The following HLCS variants were observed in gnomAD, a reference collection of about 807,000 sequenced individuals.
HLCS encodes biotin--protein ligase.
HLCS carries 53 observed loss-of-function variants against 75.0 expected under a neutral mutation model. That is an observed-to-expected ratio of 0.71 (90% CI 0.57 to 0.89). The LOEUF is 0.89. Among genes scored for constraint, HLCS ranks in the 40% least tolerant of loss-of-function variants. The pLI, the probability that HLCS is intolerant of heterozygous loss-of-function variation, is 0.00. For missense variants in HLCS, 966 were observed against 1,074.0 expected (o/e 0.90, Z 1.41); for synonymous variants, 431 against 428.6 (o/e 1.01, Z -0.07).
intron 6 of HLCS, among the ~76,000 whole-genome samples, chr21:36,802,470 C>A (rs752635037): frequency 1.3e-5 from 2 of 152,200 alleles, no homozygotes; most frequent in South Asian, 2.1e-4. Context: ...GATGTTTACA[C>A]GGCACTTTTC....
At chr21:36,870,192 CACCAGTG>C (rs1481125151) in intron 6 of HLCS, among the ~76,000 whole-genome samples, 4 of 152,102 alleles carry the variant, frequency 2.6e-5, no homozygotes, top group Non-Finnish European at 5.9e-5. Context: ...AGCCTCTGGC[CACCAGTG>C]ACCTGGACAC....
intron 6 of HLCS, among the ~76,000 whole-genome samples, chr21:36,791,233 T>G (rs80247793): frequency 6.6e-6 from 1 of 151,958 alleles, no homozygotes; most frequent in African/African-American, 2.4e-5. Flanking sequence ...AAACCCCACA[T>G]AGGATGTCCG....
intron 6 of HLCS, among the ~76,000 whole-genome samples, chr21:36,789,099 G>A (rs921733526): frequency 7.9e-5 from 12 of 152,148 alleles, no homozygotes; most frequent in African/African-American, 2.9e-4. Context: ...CTGTTGCCCA[G>A]GCTAAAGTGC....
At chr21:36,916,141 TA>T (rs894397244) in intron 5 of HLCS, among the ~76,000 whole-genome samples, 1 of 151,774 alleles carries the variant, frequency 6.6e-6, no homozygotes. Flanking sequence ...ACAAACCACC[TA>T]AAAAAAATCT....
chr21:36,822,004 T>C (rs1024901032), intron 6 of HLCS, among the ~76,000 whole-genome samples: 2 of 152,234 alleles, frequency 1.3e-5, no homozygotes, highest in South Asian at 2.1e-4. Flanking sequence ...CTGATGGGAA[T>C]AGGAGAGCTG....
chr21:36,758,263 C>A (rs565815243), intron 9 of HLCS, among the ~76,000 whole-genome samples: 1 of 151,952 alleles, frequency 6.6e-6, no homozygotes, highest in Admixed American at 6.6e-5. Flanking sequence ...GGCACCACCA[C>A]GCCCAGCTAA....
At chr21:36,813,767 T>A (rs2061579793) in intron 6 of HLCS, among the ~76,000 whole-genome samples, 1 of 152,340 alleles carries the variant, frequency 6.6e-6, no homozygotes, top group East Asian at 1.9e-4. Context: ...CATCTGGAAG[T>A]ACCTAACAAT....
chr21:36,978,823 G>T (rs550306999), intron 1 of HLCS, among the ~76,000 whole-genome samples: 53 of 152,190 alleles, frequency 3.5e-4, no homozygotes, highest in Non-Finnish European at 6.8e-4. Flanking sequence ...AGACACTGCG[G>T]CAAAACCAGC....
intron 6 of HLCS, among the ~76,000 whole-genome samples, chr21:36,891,757 A>T (rs1569154390): frequency 6.6e-6 from 1 of 152,196 alleles, no homozygotes; most frequent in Non-Finnish European, 1.5e-5. Flanking sequence ...TAGTCTCAAG[A>T]AAGTGGGAAA....
chr21:36,930,315 C>T lies in HLCS; in HGVS notation c.1556G>A (p.Gly519Asp). The T allele has an allele frequency of 6.2e-7, 1 of 1,614,038 alleles. No individual in the cohort carries two copies. Among genetic ancestry groups the T allele is most frequent in the South Asian group, 1.1e-5 (1 of 91,076 alleles). ...EVLREILTTL[G>D]LSCDMKQVPA... ...AACTTGTTTCATGTCACAGCTGAGG[C>T]CAAGGGTTGTCAGAATCTCTCTAAG... The change falls in exon 5 of 11, where the codon GGC becomes GAC. Residue 519 changes from glycine to aspartate, a missense_variant. Transcript: ENST00000674895.
chr21:36,947,902 C>T (rs2067480179), intron 2 of HLCS: 1 of 985,278 alleles, frequency 1.0e-6, no homozygotes, highest in Non-Finnish European at 1.2e-6. Context: ...ACTCTTGTTT[C>T]TCCTCTTCCA....
intron 6 of HLCS, among the ~76,000 whole-genome samples, chr21:36,880,708 C>T (rs2064171406): frequency 6.6e-6 from 1 of 152,158 alleles, no homozygotes; most frequent in Admixed American, 6.5e-5. Context: ...TCCGATTCCA[C>T]GGCAGGTTCT....
At chr21:36,791,118 T>C (rs2145877985) in intron 6 of HLCS, among the ~76,000 whole-genome samples, 1 of 152,290 alleles carries the variant, frequency 6.6e-6, no homozygotes, top group South Asian at 2.1e-4. Context: ...ACATATAGGC[T>C]TGTCCAAAAT....
At chr21:36,848,881 G>C (rs1422441627) in intron 6 of HLCS, among the ~76,000 whole-genome samples, 1 of 152,204 alleles carries the variant, frequency 6.6e-6, no homozygotes, top group Non-Finnish European at 1.5e-5. Context: ...AATCCCAAAG[G>C]ATGGGGAAAG....
chr21:36,816,801 A>C (rs1392243596), intron 6 of HLCS, among the ~76,000 whole-genome samples: 2 of 152,216 alleles, frequency 1.3e-5, no homozygotes, highest in Non-Finnish European at 2.9e-5. Flanking sequence ...CCACGAATCT[A>C]GTAAGTCCTC....
intron 6 of HLCS, among the ~76,000 whole-genome samples, chr21:36,872,110 A>G (rs2063789419): frequency 6.6e-6 from 1 of 152,122 alleles, no homozygotes; most frequent in South Asian, 2.1e-4. Context: ...TTCAATGTAA[A>G]TTGCAGATAT....
chr21:36,828,921 T>G (rs958175483), intron 6 of HLCS, among the ~76,000 whole-genome samples: 1 of 152,234 alleles, frequency 6.6e-6, no homozygotes, highest in African/African-American at 2.4e-5. Context: ...GCACAATGAT[T>G]AGACTATGCT....
chr21:36,850,235 C>A (rs1355374263), intron 6 of HLCS, among the ~76,000 whole-genome samples: 1 of 152,160 alleles, frequency 6.6e-6, no homozygotes, highest in African/African-American at 2.4e-5. Context: ...ACATTATTGC[C>A]AACACTTTAA....
chr21:36,765,925 GCATGAGCCAC>G (rs1484815041), intron 7 of HLCS, among the ~76,000 whole-genome samples: 1 of 152,202 alleles, frequency 6.6e-6, no homozygotes, highest in Non-Finnish European at 1.5e-5. Flanking sequence ...GGGATTACAG[GCATGAGCCAC>G]CACGCCCAGC....
Sources: allele counts gnomAD v4.1 joint callset (sites outside exome capture counted in the v4.1 genomes callset), GRCh38; gene constraint gnomAD v4.1.1; transcripts MANE v1.5; gene names NCBI Gene and HGNC (gene_info 2026-07-23, HGNC 2026-07-21).